The following SMARCA4 variants were observed in gnomAD, a reference collection of about 807,000 sequenced individuals.
The protein encoded by SMARCA4 is SWI/SNF-related matrix-associated actin-dependent regulator of chromatin subfamily A member 4.
In SMARCA4, 31 loss-of-function variants were observed where a neutral mutation model predicts 193.9. The ratio of observed to expected loss-of-function variants is 0.16; its 90% CI spans 0.12 to 0.22. The LOEUF is 0.22. Ranked by LOEUF, SMARCA4 falls within the 10% of genes least tolerant of loss-of-function variation. The probability of loss-of-function intolerance (pLI) is 1.00; values close to 1 mark genes in which losing one functional copy is unlikely to be tolerated. For synonymous variants in SMARCA4, 942 were observed against 933.1 expected (o/e 1.01, Z -0.17); for missense variants, 1,148 against 2,296.0 (o/e 0.50, Z 10.22).
rs2146813299 is a variant in SMARCA4, at chr19:11,041,322, A to C, written c.4186A>C (p.Thr1396Pro). 6.2e-7 allele frequency: 1 copy of C among 1,611,106 alleles called. No homozygotes were observed. Among genetic ancestry groups the C allele is most frequent in the Non-Finnish European group, 8.5e-7 (1 of 1,179,692 alleles). Residue 1396 changes from threonine to proline, a missense_variant, in exon 30 of 35, where the codon ACG becomes CCG. Transcript: ENST00000344626. The surrounding 1 kb of genome is among the most constrained non-coding windows in gnomAD (Gnocchi z 5.6). ...GACCCTGAAGGCCATCGAGGAGGGC[A>C]CGCTGGAGGAGATCGAAGAGGAGGT... ...KQWLKAIEEG[T>P]LEEIEEEVRQ... is the part of the protein sequence containing the mutation.
chr19:11,034,081 C>G lies in SMARCA4; in HGVS notation c.3874-42C>G. 6.5e-7 allele frequency: 1 copy of G among 1,532,586 alleles called. No homozygotes were observed. The highest frequency in any genetic ancestry group is 1.7e-4 in the Middle Eastern group (1 of 5,902). 94.9% of individuals were successfully genotyped at this position (1,532,586 alleles called of 1,614,324 possible). Reference sequence around the variant, plus strand: ...CCTCTGAGCTCGGCCGCCGCCCACCCCGGCCCCTCCTCAGCGGCACTGACA... The same window carrying G: ...CCTCTGAGCTCGGCCGCCGCCCACCGCGGCCCCTCCTCAGCGGCACTGACA... On this transcript the variant is annotated intron_variant, in intron 27 of 34. Coordinates refer to ENST00000344626, the MANE Select transcript of SMARCA4 (RefSeq NM_003072.5). The surrounding 1 kb of genome is among the most constrained non-coding windows in gnomAD (Gnocchi z 7.0).
intron 1 of SMARCA4, among the ~76,000 whole-genome samples, chr19:10,982,712 C>G (rs542852446): frequency 7.9e-5 from 12 of 151,936 alleles, no homozygotes; most frequent in Middle Eastern, 3.4e-3. Flanking sequence ...CACCATGTTA[C>G]CCAGGATGGT....
At chr19:11,055,136 G>A (rs1266126756) in intron 30 of SMARCA4, among the ~76,000 whole-genome samples, 3 of 152,256 alleles carry the variant, frequency 2.0e-5, no homozygotes, top group Middle Eastern at 3.4e-3. Context: ...CATCCAGAAC[G>A]TAATTCTCCT....
At chr19:11,009,355 A>G (rs1438329890) in intron 14 of SMARCA4, among the ~76,000 whole-genome samples, 1 of 152,036 alleles carries the variant, frequency 6.6e-6, no homozygotes, top group Non-Finnish European at 1.5e-5. Flanking sequence ...TTCAGATTAG[A>G]TTACAAATTG....
In SMARCA4 at chr19:11,033,743, C is replaced by T; in HGVS notation, c.3775-24C>T. 2 of 780,048 alleles carry T rather than the reference C, an allele frequency of 2.6e-6. No homozygotes were observed. The highest frequency in any genetic ancestry group is 1.3e-5 in the South Asian group (1 of 74,628). The allele number at this position is 780,048 out of a possible 1,614,324, so 48.3% of individuals were successfully genotyped here. ...GACGCCGGATTGACAGCCCTGGAGA[C>T]TGAAGTCCTCTATTTATCCACAGAG... On this transcript the variant is annotated intron_variant, in intron 26 of 34. Transcript: ENST00000344626. This position sits in a 1 kb window ranked among gnomAD's most constrained non-coding sequence, Gnocchi z 9.8.
chr19:10,990,717 A>T (rs1385673006), intron 7 of SMARCA4, among the ~76,000 whole-genome samples: 1 of 152,166 alleles, frequency 6.6e-6, no homozygotes, highest in Non-Finnish European at 1.5e-5. Flanking sequence ...CTGGCCGCCT[A>T]GTTAATTTTT....
At chr19:10,988,362 C>A (rs1451210701) in intron 6 of SMARCA4, among the ~76,000 whole-genome samples, 1 of 152,188 alleles carries the variant, frequency 6.6e-6, no homozygotes, top group African/African-American at 2.4e-5. Flanking sequence ...ACCTCAGATG[C>A]TCCCAAAGTG....
chr19:11,009,007 CTTTTTTTTTTTTT>C (rs762148337), intron 14 of SMARCA4, among the ~76,000 whole-genome samples: 116 of 40,958 alleles, frequency 2.8e-3, no homozygotes, highest in East Asian at 9.1e-3. Flanking sequence ...ATAAAAGTCA[CTTTTTTTTTTTTT>C]TTTTTTTTTT....
At chr19:11,032,945 A>G (rs115522848) in intron 25 of SMARCA4, 3 of 404,740 alleles carry the variant, frequency 7.4e-6, no homozygotes, top group Non-Finnish European at 1.4e-5. Context: ...ATGGTGCTCG[A>G]CTGTGTAGGT....
intron 18 of SMARCA4, chr19:11,021,268 C>A (rs962548372): frequency 2.9e-6 from 1 of 343,632 alleles, no homozygotes; most frequent in African/African-American, 2.1e-5. Flanking sequence ...GCGCTGGCCC[C>A]TACCCCATGG....
Position 10,964,680 on chromosome 19 carries a change from C to G in SMARCA4, c.-32+3506C>G, listed in dbSNP as rs1055840126. On this transcript the variant is annotated intron_variant, in intron 1 of 34. Transcript: ENST00000344626. ...TCGCCCAGGCTGGAGTGCAGTGGTG[C>G]GATCTTGACTCACTGCAACCTCCGC... Among the ~76,000 whole-genome samples, 9 of 150,620 alleles carry G rather than the reference C, an allele frequency of 6.0e-5. 1 individual carries two copies. In the South Asian group the frequency reaches 8.4e-4, roughly 14 times the overall value.
At chr19:11,000,499 C>G (rs2087528041) in intron 11 of SMARCA4, among the ~76,000 whole-genome samples, 1 of 152,056 alleles carries the variant, frequency 6.6e-6, no homozygotes, top group Non-Finnish European at 1.5e-5. Flanking sequence ...TGCATTCCAG[C>G]CTGGGGAGCT....
chr19:11,013,169 T>C, intron 16 of SMARCA4, 57 bp downstream of exon 16: 1 of 1,589,742 alleles, frequency 6.3e-7, no homozygotes, highest in Non-Finnish European at 8.6e-7. Context: ...CTGTGTTTGT[T>C]TCCTAAGTTT....
intron 21 of SMARCA4, 38 bp from the exon 22 acceptor site, chr19:11,025,384 G>A (rs372849082): frequency 4.4e-5 from 65 of 1,478,860 alleles, no homozygotes; most frequent in Middle Eastern, 3.4e-4. Context: ...CCCCAGGAGG[G>A]CAAGACCCCA....
At chr19:10,970,434 C>G (rs1430620849) in intron 1 of SMARCA4, among the ~76,000 whole-genome samples, 1 of 152,114 alleles carries the variant, frequency 6.6e-6, no homozygotes, top group African/African-American at 2.4e-5. Context: ...AGCTCTTTTT[C>G]TTTTAGAGAC....
chr19:10,976,029 A>G (rs1329470293), intron 1 of SMARCA4, among the ~76,000 whole-genome samples: 1 of 151,960 alleles, frequency 6.6e-6, no homozygotes, highest in Non-Finnish European at 1.5e-5. Flanking sequence ...TCTGCAATGG[A>G]TTTCATTGCT....
At chr19:10,973,209 C>T (rs980783112) in intron 1 of SMARCA4, among the ~76,000 whole-genome samples, 11 of 151,982 alleles carry the variant, frequency 7.2e-5, no homozygotes, top group Non-Finnish European at 1.3e-4. Context: ...TGTTATGTTT[C>T]TGCTGGGTCA....
chr19:10,967,546 G>C (rs190227625), intron 1 of SMARCA4, among the ~76,000 whole-genome samples: 5 of 151,370 alleles, frequency 3.3e-5, no homozygotes, highest in African/African-American at 1.2e-4. Context: ...TCCTGACCTC[G>C]TTATCCGTCT....
intron 1 of SMARCA4, among the ~76,000 whole-genome samples, chr19:10,983,320 TAA>T (rs551628237): frequency 7.2e-5 from 11 of 152,230 alleles, no homozygotes; most frequent in Non-Finnish European, 1.6e-4. Flanking sequence ...TTTTTAAACT[TAA>T]GTTCATTTAT....
Sources: gnomAD v4.1 joint callset for allele counts (sites outside exome capture counted in the v4.1 genomes callset) on GRCh38, gnomAD v4.1.1 for gene constraint, Gnocchi (gnomAD v3.1) non-coding constraint, MANE v1.5 for transcripts, NCBI Gene and HGNC (gene_info 2026-07-23, HGNC 2026-07-21) for gene names.